Variants in TENM3 observed in about 807,000 individuals in gnomAD.
TENM3 encodes the protein teneurin-3.
A neutral mutation model predicts 255.1 loss-of-function variants in TENM3; 63 were observed. The ratio of observed to expected loss-of-function variants is 0.25; its 90% CI spans 0.20 to 0.30. The LOEUF (loss-of-function observed/expected upper bound fraction) is 0.30, where lower values mean the gene tolerates loss of function less well. Among genes scored for constraint, TENM3 ranks in the 10% least tolerant of loss-of-function variants. TENM3 has a pLI of 1.00. For missense variants in TENM3, 2,929 were observed against 3,461.1 expected (o/e 0.85, Z 3.86); for synonymous variants, 1,306 against 1,322.3 (o/e 0.99, Z 0.27).
chr4:182,685,273 T>C (rs1756487310), intron 11 of TENM3, among the ~76,000 whole-genome samples: 1 of 152,050 alleles, frequency 6.6e-6, no homozygotes, highest in Non-Finnish European at 1.5e-5. Context: ...CCTCATCTTT[T>C]GGCCCATACA....
chr4:181,600,076 T>A, the TENM3 span, among the ~76,000 whole-genome samples: 8 of 152,256 alleles, frequency 5.3e-5, no homozygotes, highest in East Asian at 1.3e-3. Flanking sequence ...CTTATACAGC[T>A]AATGCTGCAT....
At chr4:182,512,628 C>T (rs537063874) in intron 3 of TENM3, among the ~76,000 whole-genome samples, 8 of 152,084 alleles carry the variant, frequency 5.3e-5, no homozygotes, top group African/African-American at 1.7e-4. Flanking sequence ...AATATATGAA[C>T]GAAAAGTATT....
At chr4:182,528,579 A>G (rs1304002632) in intron 3 of TENM3, among the ~76,000 whole-genome samples, 1 of 152,192 alleles carries the variant, frequency 6.6e-6, no homozygotes, top group African/African-American at 2.4e-5. Flanking sequence ...CAGGAGTCTC[A>G]TTTATTCATG....
the TENM3 span, among the ~76,000 whole-genome samples, chr4:181,607,569 T>C: frequency 6.6e-6 from 1 of 151,886 alleles, no homozygotes; most frequent in Non-Finnish European, 1.5e-5. Context: ...GCCCAGCTAA[T>C]ATTTTTTTGT....
At chr4:182,608,121 C>T (rs1748610858) in intron 4 of TENM3, among the ~76,000 whole-genome samples, 1 of 152,160 alleles carries the variant, frequency 6.6e-6, no homozygotes, top group African/African-American at 2.4e-5. Context: ...GTCCTCTTTA[C>T]TTGTGTATGT....
At position 182,380,146 on chromosome 4, in the gene TENM3, C is replaced by T. The variant is rs184758416; in HGVS notation, c.511+33217C>T. ...ATTAGGCGGGCCTGGTGGCAGGTGC[C>T]TGTAATCCCGGCTACTCTCGAGGCT... On this transcript the variant is annotated intron_variant, in intron 3 of 27. Transcript: ENST00000511685. Among the ~76,000 whole-genome samples, 1,054 of 152,228 alleles carry T rather than the reference C, an allele frequency of 6.9e-3. 13 individuals are homozygous for T. Among genetic ancestry groups the T allele is most frequent in the African/African-American group, 0.023 (941 of 41,536 alleles).
At chr4:181,771,102 A>G in the TENM3 span, among the ~76,000 whole-genome samples, 1 of 152,258 alleles carries the variant, frequency 6.6e-6, no homozygotes, top group East Asian at 1.9e-4. Context: ...ACAAGATGTT[A>G]TGGATTCACC....
chr4:181,855,637 T>G, the TENM3 span, among the ~76,000 whole-genome samples: 1 of 152,222 alleles, frequency 6.6e-6, no homozygotes, highest in Non-Finnish European at 1.5e-5. Context: ...AAGGTTATTA[T>G]TCTTCATGCT....
the TENM3 span, among the ~76,000 whole-genome samples, chr4:181,575,302 G>GT: frequency 6.6e-6 from 1 of 151,786 alleles, no homozygotes; most frequent in African/African-American, 2.4e-5. Flanking sequence ...TTATTTTCTT[G>GT]TTTTTTCTAT....
the TENM3 span, among the ~76,000 whole-genome samples, chr4:181,686,504 T>G: frequency 6.6e-6 from 1 of 152,136 alleles, no homozygotes; most frequent in African/African-American, 2.4e-5. Context: ...GCCTTCTTTA[T>G]TTTTTCAATA....
chr4:181,776,205 T>G, the TENM3 span, among the ~76,000 whole-genome samples: 1 of 152,150 alleles, frequency 6.6e-6, no homozygotes, highest in Non-Finnish European at 1.5e-5. Flanking sequence ...CTATTTCATT[T>G]AACATTATAA....
chr4:182,221,170 A>G (rs1234752825), intron 1 of TENM3, among the ~76,000 whole-genome samples: 2 of 152,228 alleles, frequency 1.3e-5, no homozygotes, highest in African/African-American at 4.8e-5. Context: ...TTATCAAAAT[A>G]AGGAGGAAAA....
intron 1 of TENM3, among the ~76,000 whole-genome samples, chr4:182,191,441 C>T (rs1266790480): frequency 6.6e-6 from 1 of 152,162 alleles, no homozygotes; most frequent in East Asian, 1.9e-4. Context: ...CAGACAGTCT[C>T]AGATGCCGCC....
chr4:181,745,731 T>G, the TENM3 span, among the ~76,000 whole-genome samples: 1 of 152,148 alleles, frequency 6.6e-6, no homozygotes, highest in South Asian at 2.1e-4. Context: ...CTGAGGATTG[T>G]GGAGAAGCTC....
rs111914645 is a variant in TENM3, at chr4:182,680,442, G to GC, written c.1639+93_1639+94insC. On this transcript the variant is annotated intron_variant, in intron 9 of 27. Transcript: ENST00000511685. ...ACTACCGAGACAGGAAAGAAAGGGG[G>GC]GGGGAGACTGGCATATTGCTTGTTC... 1.3e-4 allele frequency: 180 copies of GC among 1,421,438 alleles called. 2 individuals carry two copies. The highest frequency in any genetic ancestry group is 7.2e-4 in the Middle Eastern group (4 of 5,518). The allele number at this position is 1,421,438 out of a possible 1,614,324, so 88.1% of individuals were successfully genotyped here.
At chr4:181,739,212 A>G in the TENM3 span, among the ~76,000 whole-genome samples, 141 of 151,272 alleles carry the variant, frequency 9.3e-4, no homozygotes, top group African/African-American at 3.1e-3. Flanking sequence ...ATAATTAGAC[A>G]GGGGTCCAAT....
chr4:182,476,367 G>T (rs538599418), intron 3 of TENM3, among the ~76,000 whole-genome samples: 3 of 152,266 alleles, frequency 2.0e-5, no homozygotes, highest in African/African-American at 7.2e-5. Flanking sequence ...TTGGAGAGAA[G>T]AAAAACCTGA....
intron 12 of TENM3, chr4:182,697,807 T>C (rs1757543971): frequency 6.6e-6 from 1 of 152,202 alleles, no homozygotes; most frequent in Non-Finnish European, 1.5e-5. Flanking sequence ...AAGAGGTCAC[T>C]TAATCTCTTT....
At chr4:182,545,781 C>T (rs1741379169) in intron 3 of TENM3, among the ~76,000 whole-genome samples, 2 of 152,082 alleles carry the variant, frequency 1.3e-5, no homozygotes, top group Admixed American at 6.6e-5. Flanking sequence ...AGGTAGCCCA[C>T]CTGTTTTACT....
Sources: allele counts gnomAD v4.1 joint callset (sites outside exome capture counted in the v4.1 genomes callset), GRCh38; gene constraint gnomAD v4.1.1; transcripts MANE v1.5; gene names NCBI Gene and HGNC (gene_info 2026-07-23, HGNC 2026-07-21).